The following SLAIN2 variants were observed in gnomAD, a reference collection of about 807,000 sequenced individuals.
SLAIN2 encodes the protein SLAIN motif-containing protein 2.
A neutral mutation model predicts 56.6 loss-of-function variants in SLAIN2; 31 were observed. The observed-to-expected ratio is 0.55, with a 90% CI of 0.41 to 0.74. The LOEUF (loss-of-function observed/expected upper bound fraction) is 0.74, where lower values mean the gene tolerates loss of function less well. SLAIN2 is among the 30% of genes least tolerant of loss of function. The pLI, the probability that SLAIN2 is intolerant of heterozygous loss-of-function variation, is 0.00. For synonymous variants in SLAIN2, 317 were observed against 284.9 expected (o/e 1.11, Z -1.13); for missense variants, 777 against 754.2 (o/e 1.03, Z -0.35).
chr4:48,379,665 AT>A (rs763797925), intron 3 of SLAIN2, 24 bp from the exon 4 acceptor site: 4 of 1,377,070 alleles, frequency 2.9e-6, no homozygotes, highest in Non-Finnish European at 3.8e-6. Flanking sequence ...CAGAGTTTGA[AT>A]TTTTTTCTTT....
intron 7 of SLAIN2, among the ~76,000 whole-genome samples, chr4:48,421,409 G>T (rs1284503543): frequency 6.6e-6 from 1 of 151,988 alleles, no homozygotes; most frequent in Non-Finnish European, 1.5e-5. Context: ...AGTAAACTTT[G>T]GTGTCAAATA....
At chr4:48,418,940 A>G (rs993612167) in intron 6 of SLAIN2, among the ~76,000 whole-genome samples, 4 of 152,160 alleles carry the variant, frequency 2.6e-5, no homozygotes, top group African/African-American at 9.7e-5. Context: ...TTTGTTCTAT[A>G]CATCAGTAGT....
chr4:48,383,791 A>G lies in SLAIN2; in HGVS notation c.1360+7A>G, dbSNP rs751999255. ...CAACCTCAGGCTTCAGCCAGTAAGT[A>G]TCCTTCTTATGCTTTCATGTATCAG... On this transcript the variant is annotated splice_region_variant and intron_variant, in intron 6 of 7. Transcript: ENST00000264313. 13 of 1,610,190 alleles carry G rather than the reference A, an allele frequency of 8.1e-6. 1 individual carries two copies. The highest frequency in any genetic ancestry group is 4.4e-5 in the South Asian group (4 of 90,428).
chr4:48,402,508 C>G (rs1456721204), intron 6 of SLAIN2, among the ~76,000 whole-genome samples: 1 of 152,110 alleles, frequency 6.6e-6, no homozygotes, highest in Non-Finnish European at 1.5e-5. Flanking sequence ...AGAAAATAGT[C>G]TTCAGACTCT....
At chr4:48,388,513 G>C (rs975983994) in intron 6 of SLAIN2, among the ~76,000 whole-genome samples, 2 of 152,248 alleles carry the variant, frequency 1.3e-5, no homozygotes, top group African/African-American at 4.8e-5. Flanking sequence ...GTTTGTAAAT[G>C]TTTAAGTGTA....
Position 48,377,892 on chromosome 4 carries a change from G to A in SLAIN2, c.539-4G>A, listed in dbSNP as rs749148225. 6.2e-7 allele frequency: 1 copy of A among 1,611,010 alleles called. No homozygotes were observed. Among genetic ancestry groups the A allele is most frequent in the Non-Finnish European group, 8.5e-7 (1 of 1,179,034 alleles). ...ATTTGATTTTCCCCTTCTCATTAATGCAGCTCTCAAGAGGCAGAATTTATA... is the reference window on the plus strand; with the variant it reads ...ATTTGATTTTCCCCTTCTCATTAATACAGCTCTCAAGAGGCAGAATTTATA... On this transcript the variant is annotated splice_polypyrimidine_tract_variant and splice_region_variant and intron_variant, in intron 2 of 7. Transcript: ENST00000264313.
chr4:48,370,083 G>C, intron 2 of SLAIN2, 86 bp downstream of exon 2: 4 of 1,340,534 alleles, frequency 3.0e-6, no homozygotes, highest in Non-Finnish European at 4.1e-6. Flanking sequence ...TTTTTAGGAA[G>C]CAATTCTTTG....
intron 7 of SLAIN2, 93 bp from the exon 8 acceptor site, chr4:48,421,918 A>T (rs866580874): frequency 9.6e-6 from 10 of 1,040,292 alleles, no homozygotes; most frequent in Middle Eastern, 2.0e-4. Context: ...TCGTGATGCC[A>T]CCTGAAGAGT....
At chr4:48,420,615 C>T (rs1330219793) in intron 7 of SLAIN2, 172 bp downstream of exon 7, 8 of 802,242 alleles carry the variant, frequency 1.0e-5, no homozygotes, top group Admixed American at 2.9e-5. Context: ...AAGAAATCCT[C>T]ATTTGGGACT....
intron 6 of SLAIN2, among the ~76,000 whole-genome samples, chr4:48,419,270 T>C (rs1204611600): frequency 6.6e-6 from 1 of 152,012 alleles, no homozygotes; most frequent in Admixed American, 6.6e-5. Context: ...CCCCAACTAA[T>C]TTTTGTATTT....
At chr4:48,419,346 C>T (rs1310315954) in intron 6 of SLAIN2, among the ~76,000 whole-genome samples, 5 of 152,094 alleles carry the variant, frequency 3.3e-5, no homozygotes, top group Admixed American at 6.6e-5. Context: ...TCAGGTGATC[C>T]GCCCGCCTCG....
chr4:48,341,579 T>C lies in SLAIN2; in HGVS notation c.-161T>C, dbSNP rs770296647. On this transcript the variant is annotated 5_prime_UTR_variant, in exon 1 of 8. Coordinates refer to ENST00000264313, the MANE Select transcript of SLAIN2 (RefSeq NM_020846.2). ...CAGTTCGGCTGGGGCCAGCGGCGCT[T>C]TGGAACCCGAGGTGGGGGGACCCTG... 778 of 1,155,268 alleles carry C rather than the reference T, an allele frequency of 6.7e-4. No homozygotes were observed. The highest frequency in any genetic ancestry group is 8.5e-4 in the Non-Finnish European group (740 of 874,618). The allele number at this position is 1,155,268 out of a possible 1,614,324, so 71.6% of individuals were successfully genotyped here.
At chr4:48,404,038 A>G (rs576661539) in intron 6 of SLAIN2, among the ~76,000 whole-genome samples, 113 of 152,288 alleles carry the variant, frequency 7.4e-4, no homozygotes, top group Middle Eastern at 3.4e-3. Context: ...GCTGCATCCA[A>G]GTGGGCCATT....
chr4:48,356,410 A>G (rs1156690663), intron 1 of SLAIN2, among the ~76,000 whole-genome samples: 1 of 152,206 alleles, frequency 6.6e-6, no homozygotes, highest in African/African-American at 2.4e-5. Context: ...AGCTGAAAAG[A>G]TCTGTACTAG....
intron 6 of SLAIN2, among the ~76,000 whole-genome samples, chr4:48,390,084 CTTTTTT>C (rs58551776): frequency 8.6e-5 from 12 of 139,436 alleles, no homozygotes; most frequent in East Asian, 8.3e-4. Context: ...TTTTCTTTTT[CTTTTTT>C]TTTTTTTTCC....
intron 2 of SLAIN2, among the ~76,000 whole-genome samples, chr4:48,374,862 A>G (rs1477798787): frequency 6.6e-6 from 1 of 152,168 alleles, no homozygotes; most frequent in Non-Finnish European, 1.5e-5. Flanking sequence ...GACAAGATGA[A>G]TATTGGGATC....
rs1041161817 is a variant in SLAIN2 at position 48,341,553 on chromosome 4, G to A, written c.-187G>A. The A allele has an allele frequency of 4.8e-6, 4 of 829,040 alleles. No homozygotes were observed. Among genetic ancestry groups the A allele is most frequent in the African/African-American group, 3.6e-5 (2 of 55,262 alleles). 51.4% of individuals were successfully genotyped at this position (829,040 alleles called of 1,614,324 possible). A position where few individuals can be genotyped will look rare whatever the true frequency, so the allele number is the denominator to read the frequency against. ...CAATCCCGGAGCCGGCGCAGATGAG[G>A]CAGTTCGGCTGGGGCCAGCGGCGCT... is the stretch of plus-strand genomic sequence containing the variant. On this transcript the variant is annotated 5_prime_UTR_variant, in exon 1 of 8. Transcript: ENST00000264313.
intron 2 of SLAIN2, among the ~76,000 whole-genome samples, chr4:48,371,309 G>A (rs1715658695): frequency 6.6e-6 from 1 of 152,002 alleles, no homozygotes; most frequent in Non-Finnish European, 1.5e-5. Context: ...CCGACCTCAG[G>A]TGATCTGCCC....
At chr4:48,360,729 A>G (rs529380144) in intron 1 of SLAIN2, among the ~76,000 whole-genome samples, 1 of 152,342 alleles carries the variant, frequency 6.6e-6, no homozygotes, top group South Asian at 2.1e-4. Context: ...CAGCATACTG[A>G]AAAGAAACCC....
Sources: allele counts gnomAD v4.1 joint callset (sites outside exome capture counted in the v4.1 genomes callset), GRCh38; gene constraint gnomAD v4.1.1; transcripts MANE v1.5; gene names NCBI Gene and HGNC (gene_info 2026-07-23, HGNC 2026-07-21).